The following PGBD5 variants were observed in gnomAD, a reference collection of about 807,000 sequenced individuals.
PGBD5 encodes piggyBac transposable element derived 5.
In PGBD5, 14 loss-of-function variants were observed where a neutral mutation model predicts 47.9. The ratio of observed to expected loss-of-function variants is 0.29; its 90% confidence interval spans 0.19 to 0.46. PGBD5 has a LOEUF of 0.46. PGBD5 is among the 20% of genes least tolerant of loss of function. The pLI is 1.00. For synonymous variants in PGBD5, 316 were observed against 306.3 expected, an observed-to-expected ratio of 1.03 and a Z score of -0.33; for missense variants, 635 against 716.0, an observed-to-expected ratio of 0.89 and a Z score of 1.29.
At chr1:230,340,175 T>C (rs1354796546) in intron 3 of PGBD5, among the ~76,000 whole-genome samples, 1 of 152,162 alleles carries the variant, frequency 6.6e-6, no homozygotes, top group Non-Finnish European at 1.5e-5. Flanking sequence ...TACTCATGAG[T>C]TTCACTTTTA....
intron 1 of PGBD5, among the ~76,000 whole-genome samples, chr1:230,392,200 T>TC (rs1374047925): frequency 1.3e-5 from 2 of 152,178 alleles, no homozygotes; most frequent in East Asian, 3.9e-4. Flanking sequence ...CCTGGCCACA[T>TC]CCCCCCACAC....
chr1:230,367,841 TCCAATTTCATTCTC>T (rs1667863262), intron 1 of PGBD5: 8 of 112,440 alleles, frequency 7.1e-5, no homozygotes, highest in Non-Finnish European at 9.5e-5. Flanking sequence ...CATTCTCGCG[TCCAATTTCATTCTC>T]GCAACAGCCA....
intron 1 of PGBD5, among the ~76,000 whole-genome samples, chr1:230,417,733 T>C (rs1440913928): frequency 6.6e-6 from 1 of 152,210 alleles, no homozygotes; most frequent in African/African-American, 2.4e-5. Flanking sequence ...AAATCCATGT[T>C]TTCCCTGATC....
At chr1:230,342,079 T>C (rs893894557) in intron 3 of PGBD5, among the ~76,000 whole-genome samples, 1 of 152,158 alleles carries the variant, frequency 6.6e-6, no homozygotes, top group African/African-American at 2.4e-5. Context: ...ATGGGATTTA[T>C]CTTAGCTCTC....
At position 230,418,372 on chromosome 1, in the gene PGBD5, G is replaced by A. The variant is rs562630152; in HGVS notation, c.331+7226C>T. Among the ~76,000 whole-genome samples, 8 of 152,314 alleles carry A rather than the reference G, an allele frequency of 5.3e-5. No homozygotes were observed. The South Asian group carries it at 8.3e-4, about 16-fold the overall frequency. On this transcript the variant is annotated intron_variant, in intron 1 of 6. Transcript: ENST00000391860. ...ATATAAAGATAGGACTGCTCTATGC[G>A]ATATGGATGAATCTTACAGGTAAAA...
chr1:230,352,795 C>T (rs111277381), intron 2 of PGBD5, among the ~76,000 whole-genome samples: 4 of 152,218 alleles, frequency 2.6e-5, no homozygotes, highest in African/African-American at 9.6e-5. Context: ...AACAAGTCCC[C>T]CACACAGTGG....
At chr1:230,395,269 T>C (rs1192998013) in intron 1 of PGBD5, among the ~76,000 whole-genome samples, 14 of 11,396 alleles carry the variant, frequency 1.2e-3, no homozygotes, top group Middle Eastern at 0.031. Flanking sequence ...CCCTCACGCT[T>C]CTCCCCATCC....
At chr1:230,339,924 C>A (rs2102693116) in intron 3 of PGBD5, among the ~76,000 whole-genome samples, 1 of 152,164 alleles carries the variant, frequency 6.6e-6, no homozygotes, top group South Asian at 2.1e-4. Context: ...ATCTATGGTA[C>A]CACATGGTGA....
At chr1:230,377,609 TGTA>T (rs1668034340) in intron 1 of PGBD5, 1 of 1,554,844 alleles carries the variant, frequency 6.4e-7, no homozygotes, top group Admixed American at 1.9e-5. Flanking sequence ...GCTCGAGTTC[TGTA>T]GTCAGGCATA....
At chr1:230,328,699 C>T (rs982961367) in intron 5 of PGBD5, among the ~76,000 whole-genome samples, 3 of 152,196 alleles carry the variant, frequency 2.0e-5, no homozygotes, top group Non-Finnish European at 2.9e-5. Flanking sequence ...GCACCTTCCT[C>T]GGCTGTTAGT....
intron 3 of PGBD5, among the ~76,000 whole-genome samples, chr1:230,348,530 G>C (rs1667509190): frequency 6.6e-6 from 1 of 152,238 alleles, no homozygotes; most frequent in African/African-American, 2.4e-5. Context: ...GAGGATCAGG[G>C]AACTGCAGTG....
chr1:230,378,467 CA>C (rs1287553606), intron 1 of PGBD5, among the ~76,000 whole-genome samples: 3 of 152,220 alleles, frequency 2.0e-5, no homozygotes, highest in Admixed American at 2.0e-4. Context: ...CATATATGCT[CA>C]CCTACAAGCA....
chr1:230,392,897 C>T (rs1033366474), intron 1 of PGBD5, among the ~76,000 whole-genome samples: 3 of 151,580 alleles, frequency 2.0e-5, no homozygotes, highest in African/African-American at 7.3e-5. Flanking sequence ...CCTGGAGCAG[C>T]AGGAGCAGAC....
chr1:230,372,738 G>A lies in PGBD5; in HGVS notation c.332-15417C>T, dbSNP rs1218652426. On this transcript the variant is annotated intron_variant, in intron 1 of 6. Transcript: ENST00000391860. The stretch of plus-strand genomic sequence containing the variant: ...TATTTACTCTACTCACCCTCGTCGC[G>A]CCATGGACTCATTTCCTGGACAGAA... Among the ~76,000 whole-genome samples, 12 of 152,176 alleles carry A rather than the reference G, an allele frequency of 7.9e-5. No individual in the cohort carries two copies. In the East Asian group the frequency reaches 9.6e-4, roughly 12 times the overall value.
intron 1 of PGBD5, among the ~76,000 whole-genome samples, chr1:230,389,697 T>C (rs114661217): frequency 7.0e-4 from 107 of 152,158 alleles, no homozygotes; most frequent in African/African-American, 1.9e-3. Context: ...CGGAATAAGG[T>C]TGTATTAACC....
intron 1 of PGBD5, chr1:230,362,327 T>C: frequency 7.3e-7 from 1 of 1,367,710 alleles, no homozygotes; most frequent in Non-Finnish European, 9.8e-7. Context: ...AGGAATGGAT[T>C]ATAGGGCGGC....
intron 1 of PGBD5, among the ~76,000 whole-genome samples, chr1:230,370,125 G>A (rs944887683): frequency 1.3e-5 from 2 of 152,214 alleles, no homozygotes; most frequent in African/African-American, 2.4e-5. Flanking sequence ...GGGAAAGGAC[G>A]GGGATGGAGC....
At position 230,320,921 on chromosome 1, in the gene PGBD5, C is replaced by T. The variant is rs12087152; in HGVS notation, c.*2504G>A. The T allele has an allele frequency of 0.03, 4,508 of 152,328 alleles. 88 individuals carry two copies. The highest frequency in any genetic ancestry group is 0.053 in the African/African-American group (2,195 of 41,546). The allele number at this position is 152,328 out of a possible 1,614,324, so 9.4% of individuals were successfully genotyped here. On this transcript the variant is annotated 3_prime_UTR_variant, in exon 7 of 7. Transcript: ENST00000391860. ...CCACTGAAGCCTCCCCTAGACCCGG[C>T]TCAACAGCTGCCTTTTCCCATCATG...
At chr1:230,338,206 C>T (rs1176739313) in intron 3 of PGBD5, among the ~76,000 whole-genome samples, 1 of 152,212 alleles carries the variant, frequency 6.6e-6, no homozygotes, top group Non-Finnish European at 1.5e-5. Context: ...TTTTAAATTG[C>T]TGCAGCACAA....
Sources: gnomAD v4.1 joint callset for allele counts (sites outside exome capture counted in the v4.1 genomes callset) on GRCh38, gnomAD v4.1.1 for gene constraint, MANE v1.5 for transcripts, NCBI Gene and HGNC (gene_info 2026-07-23, HGNC 2026-07-21) for gene names.